Variants in SLIT2 observed in about 807,000 individuals in gnomAD.
SLIT2 encodes slit homolog 2 protein.
SLIT2 carries 41 observed loss-of-function variants against 185.7 expected under a neutral mutation model. That is an observed-to-expected ratio of 0.22 (90% CI 0.17 to 0.29). The LOEUF is 0.29. Among genes scored for constraint, SLIT2 ranks in the 10% least tolerant of loss-of-function variants. The pLI is 1.00. For synonymous variants in SLIT2, 693 were observed against 680.2 expected (o/e 1.02, Z -0.29); for missense variants, 1,571 against 1,909.0 (o/e 0.82, Z 3.30).
rs187315305 is a variant in SLIT2, at chr4:20,400,663, A to G, written c.396-67089A>G. Among the ~76,000 whole-genome samples the G allele has an allele frequency of 1.5e-4, 23 of 151,796 alleles. 1 individual carries two copies. Among genetic ancestry groups the G allele is most frequent in the Admixed American group, 2.6e-4 (4 of 15,170 alleles). On this transcript the variant is annotated intron_variant, in intron 4 of 36. Coordinates refer to ENST00000504154, the MANE Select transcript of SLIT2 (RefSeq NM_004787.4). Reference sequence around the variant, plus strand: ...CATAGAACTGGATTGAGTTATGGAGAAGGAAAGAATATGGAATAACAAAGA... The same window carrying G: ...CATAGAACTGGATTGAGTTATGGAGGAGGAAAGAATATGGAATAACAAAGA...
chr4:20,578,039 G>A (rs1349401637), intron 29 of SLIT2, among the ~76,000 whole-genome samples: 3 of 152,104 alleles, frequency 2.0e-5, no homozygotes, highest in Non-Finnish European at 2.9e-5. Context: ...GGCACACCTC[G>A]GGCTCACATC....
intron 8 of SLIT2, among the ~76,000 whole-genome samples, chr4:20,490,279 T>C (rs1031204035): frequency 6.6e-6 from 1 of 152,192 alleles, no homozygotes; most frequent in African/African-American, 2.4e-5. Flanking sequence ...ATCTCTATAT[T>C]TGGAGATTCA....
At chr4:20,570,434 G>A (rs898437236) in intron 29 of SLIT2, among the ~76,000 whole-genome samples, 1 of 151,788 alleles carries the variant, frequency 6.6e-6, no homozygotes, top group African/African-American at 2.4e-5. Context: ...TCAGAAACTT[G>A]ACTTGGAGCC....
intron 29 of SLIT2, among the ~76,000 whole-genome samples, chr4:20,585,309 C>T (rs1379819715): frequency 6.6e-6 from 1 of 152,172 alleles, no homozygotes; most frequent in African/African-American, 2.4e-5. Context: ...TATACGTACA[C>T]TCAGAATGCT....
chr4:20,469,252 A>G (rs1714694713), intron 5 of SLIT2, among the ~76,000 whole-genome samples: 1 of 152,128 alleles, frequency 6.6e-6, no homozygotes, highest in Non-Finnish European at 1.5e-5. Context: ...AAATACGGCA[A>G]TAGCTGCAGT....
intron 4 of SLIT2, among the ~76,000 whole-genome samples, chr4:20,444,022 T>C (rs1478306075): frequency 1.3e-5 from 2 of 152,074 alleles, no homozygotes; most frequent in Non-Finnish European, 2.9e-5. Flanking sequence ...GGGGTATGTA[T>C]TAATATGCAC....
intron 4 of SLIT2, among the ~76,000 whole-genome samples, chr4:20,446,462 A>G (rs1370671309): frequency 1.3e-5 from 2 of 152,174 alleles, no homozygotes; most frequent in Non-Finnish European, 2.9e-5. Context: ...AAGCTTAGAG[A>G]AAGTGTTTGG....
intron 5 of SLIT2, among the ~76,000 whole-genome samples, chr4:20,468,211 T>C (rs1714569360): frequency 6.6e-6 from 1 of 152,084 alleles, no homozygotes; most frequent in Admixed American, 6.6e-5. Flanking sequence ...GGGCCAGTTC[T>C]GCCATGTTCC....
chr4:20,608,817 T>G (rs776997512), intron 33 of SLIT2, among the ~76,000 whole-genome samples: 6 of 152,320 alleles, frequency 3.9e-5, no homozygotes, highest in Admixed American at 2.6e-4. Context: ...GCCTAGAAAT[T>G]TAAGCAGTCA....
chr4:20,312,424 A>G (rs1199021254), intron 4 of SLIT2, among the ~76,000 whole-genome samples: 1 of 152,188 alleles, frequency 6.6e-6, no homozygotes, highest in Non-Finnish European at 1.5e-5. Flanking sequence ...TGAATAATTC[A>G]TATTGATAAA....
At chr4:20,367,074 C>T (rs1577511313) in intron 4 of SLIT2, among the ~76,000 whole-genome samples, 1 of 152,116 alleles carries the variant, frequency 6.6e-6, no homozygotes, top group South Asian at 2.1e-4. Flanking sequence ...GTTGAGATTA[C>T]AGGCATGAAC....
At chr4:20,482,150 A>C (rs1716763511) in intron 6 of SLIT2, among the ~76,000 whole-genome samples, 1 of 152,036 alleles carries the variant, frequency 6.6e-6, no homozygotes, top group African/African-American at 2.4e-5. Flanking sequence ...AGTGTCACTA[A>C]AATTCATAGA....
At chr4:20,557,400 G>C (rs536201069) in intron 26 of SLIT2, among the ~76,000 whole-genome samples, 24 of 152,082 alleles carry the variant, frequency 1.6e-4, no homozygotes, top group African/African-American at 9.7e-5. Context: ...TAGAGCCCTT[G>C]ATAATTACGG....
intron 4 of SLIT2, among the ~76,000 whole-genome samples, chr4:20,397,242 A>G (rs750981645): frequency 1.3e-5 from 2 of 151,934 alleles, no homozygotes; most frequent in South Asian, 2.1e-4. Flanking sequence ...CTACCTAACT[A>G]ACTTTCACAA....
intron 4 of SLIT2, among the ~76,000 whole-genome samples, chr4:20,449,544 G>T (rs1383424453): frequency 6.6e-6 from 1 of 151,972 alleles, no homozygotes; most frequent in African/African-American, 2.4e-5. Context: ...GAGCAGCTGG[G>T]ATTACAGGCA....
At chr4:20,598,442 G>T in intron 33 of SLIT2, 47 bp downstream of exon 33, 1 of 1,602,842 alleles carries the variant, frequency 6.2e-7, no homozygotes, top group Non-Finnish European at 8.5e-7. Context: ...ATTGCTTAAT[G>T]AAGAACTGCT....
intron 4 of SLIT2, among the ~76,000 whole-genome samples, chr4:20,465,420 T>C (rs187822983): frequency 6.6e-6 from 1 of 152,256 alleles, no homozygotes; most frequent in Admixed American, 6.5e-5. Flanking sequence ...TAAAAATTTG[T>C]TAGTTTCTTC....
intron 9 of SLIT2, among the ~76,000 whole-genome samples, chr4:20,496,117 C>T (rs12374415): frequency 0.23 from 35,381 of 151,998 alleles, 4,772 homozygotes; most frequent in African/African-American, 0.38. Flanking sequence ...TTTATTCTTA[C>T]AACTGTCTCA....
At chr4:20,472,458 ATC>A (rs1715425941) in intron 5 of SLIT2, among the ~76,000 whole-genome samples, 2 of 60,864 alleles carry the variant, frequency 3.3e-5, no homozygotes, top group Non-Finnish European at 5.8e-5. Context: ...ATATAGATAT[ATC>A]TATATCTATA....
Sources: allele counts gnomAD v4.1 joint callset (sites outside exome capture counted in the v4.1 genomes callset), GRCh38; gene constraint gnomAD v4.1.1; transcripts MANE v1.5; gene names NCBI Gene and HGNC (gene_info 2026-07-23, HGNC 2026-07-21).